Variants in MMUT observed in about 807,000 individuals in gnomAD.
The protein encoded by MMUT is methylmalonyl-CoA mutase, mitochondrial.
In MMUT, 79 loss-of-function variants were observed where a neutral mutation model predicts 79.9. The ratio of observed to expected loss-of-function variants is 0.99; its 90% CI spans 0.82 to 1.19. MMUT has a LOEUF of 1.19. Among genes scored for constraint, MMUT ranks in the 50% most tolerant of loss-of-function variants. The pLI, the probability that MMUT is intolerant of heterozygous loss-of-function variation, is 0.00. For synonymous variants in MMUT, 273 were observed against 295.7 expected, an observed-to-expected ratio of 0.92 and a Z score of 0.79; for missense variants, 860 against 917.2, an observed-to-expected ratio of 0.94 and a Z score of 0.81.
chr6:49,458,960 A>T, intron 2 of MMUT, 122 bp downstream of exon 2: 2 of 1,003,842 alleles, frequency 2.0e-6, no homozygotes, highest in Non-Finnish European at 2.9e-6. Flanking sequence ...TTTTCAGAGT[A>T]TAGTCTTTAA....
At chr6:49,441,764 T>G in intron 10 of MMUT, 76 bp downstream of exon 10, 3 of 1,453,860 alleles carry the variant, frequency 2.1e-6, no homozygotes, top group Non-Finnish European at 2.8e-6. Context: ...GTAAGGAAAT[T>G]AAGCTCCCAG....
Position 49,453,600 on chromosome 6 carries a change from C to A in MMUT, c.1068G>T (p.Trp356Cys). The change falls in exon 5 of 13, where the codon TGG (tryptophan) becomes TGT (cysteine). Residue 356 changes from tryptophan to cysteine, a missense_variant. Trp to Cys is a radical substitution (Grantham distance 215). Coordinates refer to ENST00000274813, the MANE Select transcript of MMUT (RefSeq NM_000255.4). ...LLRAHCQTSG[W>C]SLTEQDPYNN... is the part of the protein sequence containing the mutation. ...ATATACATACCTGCTCAGTAAGTGA[C>A]CATCCAGATGTCTGACAGTGTGCTC... 6.2e-7 allele frequency: 1 copy of A among 1,608,930 alleles called. No homozygotes were observed. Among genetic ancestry groups the A allele is most frequent in the Non-Finnish European group, 8.5e-7 (1 of 1,176,344 alleles).
chr6:49,444,929 T>C lies in MMUT; in HGVS notation c.1561-175A>G, dbSNP rs187473935. On this transcript the variant is annotated intron_variant, in intron 8 of 12. Coordinates refer to ENST00000274813, the MANE Select transcript of MMUT (RefSeq NM_000255.4). ...TAACCTAGGAATTTTATTCATTCAA[T>C]TCATTCATTCACTCAGGATTTCCTA... 7.6e-3 allele frequency among the ~76,000 whole-genome samples: 1,156 copies of C among 152,282 alleles called. 6 individuals carry two copies. Among genetic ancestry groups the C allele is most frequent in the Non-Finnish European group, 0.011 (750 of 68,010 alleles).
chr6:49,452,803 C>A (rs1767586130), intron 5 of MMUT, among the ~76,000 whole-genome samples: 1 of 151,988 alleles, frequency 6.6e-6, no homozygotes, highest in African/African-American at 2.4e-5. Flanking sequence ...AAGGCCATAA[C>A]TATACAATTT....
At chr6:49,461,259 T>C (rs981007089) in intron 1 of MMUT, among the ~76,000 whole-genome samples, 11 of 152,170 alleles carry the variant, frequency 7.2e-5, no homozygotes, top group South Asian at 2.1e-4. Context: ...CATAGATATA[T>C]TCTGTTTGTG....
At position 49,431,297 on chromosome 6, in the gene MMUT, T is replaced by G. The variant is rs1190682577; in HGVS notation, c.*431A>C. ...CTCCACTAGTTTTTCAAGATAGGTT[T>G]TTATTAATATATGGATTTTATTTTC... On this transcript the variant is annotated 3_prime_UTR_variant, in exon 13 of 13. Transcript: ENST00000274813. 1 of 153,650 alleles carries G rather than the reference T, an allele frequency of 6.5e-6. No individual in the cohort carries two copies. The highest frequency in any genetic ancestry group is 2.4e-5 in the African/African-American group (1 of 41,456). 9.5% of individuals were successfully genotyped at this position (153,650 alleles called of 1,614,324 possible).
chr6:49,451,440 C>T, intron 6 of MMUT, 26 bp downstream of exon 6: 5 of 1,611,692 alleles, frequency 3.1e-6, no homozygotes, highest in Non-Finnish European at 4.2e-6. Flanking sequence ...ATTCTGAAAA[C>T]AAAGTTGCAA....
At chr6:49,448,379 T>A (rs1187261854) in intron 7 of MMUT, among the ~76,000 whole-genome samples, 1 of 152,078 alleles carries the variant, frequency 6.6e-6, no homozygotes, top group East Asian at 1.9e-4. Flanking sequence ...TTCCTCTCTT[T>A]TACTAGAATG....
At chr6:49,441,637 T>C (rs1384008508) in intron 10 of MMUT, among the ~76,000 whole-genome samples, 1 of 148,862 alleles carries the variant, frequency 6.7e-6, no homozygotes, top group Non-Finnish European at 1.5e-5. Context: ...ATATTTCTAA[T>C]TATATATTAT....
intron 12 of MMUT, 73 bp from the exon 13 acceptor site, chr6:49,431,929 T>C (rs1766990880): frequency 6.5e-7 from 1 of 1,540,916 alleles, no homozygotes; most frequent in Non-Finnish European, 8.9e-7. Context: ...CTATCCTTTC[T>C]TCTTTGTCAC....
chr6:49,456,591 C>T (rs1767697544), intron 3 of MMUT, among the ~76,000 whole-genome samples: 1 of 152,132 alleles, frequency 6.6e-6, no homozygotes, highest in Admixed American at 6.6e-5. Context: ...AAACCAATGA[C>T]TTGGACCTCA....
intron 9 of MMUT, chr6:49,443,814 G>A (rs772070901): frequency 2.3e-6 from 1 of 439,756 alleles, no homozygotes; most frequent in African/African-American, 2.0e-5. Context: ...TGGGAACACT[G>A]AAGCAGATAT....
intron 11 of MMUT, among the ~76,000 whole-genome samples, chr6:49,438,794 T>C (rs1767198490): frequency 6.6e-6 from 1 of 152,024 alleles, no homozygotes; most frequent in African/African-American, 2.4e-5. Flanking sequence ...GTGGCTAGAA[T>C]ATAAGCAGGC....
At chr6:49,444,885 A>C in intron 8 of MMUT, 131 bp from the exon 9 acceptor site, 2 of 621,696 alleles carry the variant, frequency 3.2e-6, no homozygotes, top group Middle Eastern at 3.0e-4. Flanking sequence ...AAGAGGAAAA[A>C]ATTGAAAAGA....
At chr6:49,440,386 G>C in intron 10 of MMUT, 33 bp from the exon 11 acceptor site, 2 of 1,604,338 alleles carry the variant, frequency 1.2e-6, no homozygotes, top group Non-Finnish European at 1.7e-6. Flanking sequence ...TCAGTAGTTA[G>C]ATACTAATTT....
chr6:49,435,930 C>A (rs1767112319), intron 11 of MMUT, among the ~76,000 whole-genome samples: 1 of 151,960 alleles, frequency 6.6e-6, no homozygotes, highest in Admixed American at 6.6e-5. Flanking sequence ...AAAACTTAAA[C>A]AAATTTACAA....
intron 12 of MMUT, among the ~76,000 whole-genome samples, chr6:49,434,334 T>C (rs1767068136): frequency 6.6e-6 from 1 of 152,220 alleles, no homozygotes; most frequent in Non-Finnish European, 1.5e-5. Flanking sequence ...ATGTAGTTTG[T>C]TCAGTAGCCC....
chr6:49,444,007 G>C (rs1767345532), intron 9 of MMUT, among the ~76,000 whole-genome samples: 1 of 152,106 alleles, frequency 6.6e-6, no homozygotes, highest in African/African-American at 2.4e-5. Context: ...CACAATATCA[G>C]ACAAAGAGGA....
At chr6:49,443,002 C>G (rs1475727688) in intron 9 of MMUT, among the ~76,000 whole-genome samples, 1 of 152,000 alleles carries the variant, frequency 6.6e-6, no homozygotes, top group East Asian at 1.9e-4. Context: ...TTATACTATA[C>G]CTTAACCAGT....
Sources: gnomAD v4.1 joint callset for allele counts (sites outside exome capture counted in the v4.1 genomes callset) on GRCh38, gnomAD v4.1.1 for gene constraint, MANE v1.5 for transcripts, NCBI Gene and HGNC (gene_info 2026-07-23, HGNC 2026-07-21) for gene names.